The following ME3 variants were observed in gnomAD, a reference collection of about 807,000 sequenced individuals.
The protein encoded by ME3 is NADP-dependent malic enzyme, mitochondrial.
A neutral mutation model predicts 68.9 loss-of-function variants in ME3; 48 were observed. The observed-to-expected ratio is 0.70, with a 90% confidence interval of 0.55 to 0.89. ME3 has a LOEUF of 0.89. ME3 is among the 40% of genes least tolerant of loss of function. The probability of loss-of-function intolerance (pLI) is 0.00; values close to 1 mark genes in which losing one functional copy is unlikely to be tolerated. For synonymous variants in ME3, 320 were observed against 318.8 expected (o/e 1.00, Z -0.04); for missense variants, 675 against 797.4 (o/e 0.85, Z 1.85).
At chr11:86,500,874 A>G (rs1248551622) in intron 5 of ME3, among the ~76,000 whole-genome samples, 3 of 152,062 alleles carry the variant, frequency 2.0e-5, no homozygotes, top group Non-Finnish European at 4.4e-5. Flanking sequence ...CTGAATTGCC[A>G]TATCTACCAC....
intron 2 of ME3, among the ~76,000 whole-genome samples, chr11:86,599,495 G>A (rs1032132956): frequency 4.6e-5 from 7 of 152,298 alleles, no homozygotes; most frequent in African/African-American, 9.6e-5. Flanking sequence ...TGAAAGTGAC[G>A]GGGAGAATGG....
chr11:86,652,444 A>G (rs920181323), intron 2 of ME3, among the ~76,000 whole-genome samples: 6 of 152,318 alleles, frequency 3.9e-5, no homozygotes, highest in African/African-American at 1.4e-4. Context: ...AATATTCAAC[A>G]TTCTTAAAGA....
rs528637575 is a variant in ME3, at chr11:86,536,128, G to A, written c.467+20425C>T. On this transcript the variant is annotated intron_variant, in intron 4 of 14. Coordinates refer to ENST00000543262, the Ensembl canonical transcript of ME3. Reference sequence around the variant, plus strand: ...ATTGTCTATTTCCTTGTGTGGAAGGGGGCTGCCTTGTCTGTTGCACAGGGC... The same window carrying A: ...ATTGTCTATTTCCTTGTGTGGAAGGAGGCTGCCTTGTCTGTTGCACAGGGC... Among the ~76,000 whole-genome samples the A allele has an allele frequency of 3.3e-5, 5 of 152,252 alleles. No homozygotes were observed. The East Asian group carries it at 9.6e-4, about 29-fold the overall frequency.
At chr11:86,633,796 G>A (rs1938925) in intron 2 of ME3, among the ~76,000 whole-genome samples, 29,527 of 152,046 alleles carry the variant, frequency 0.19, 3,342 homozygotes, top group East Asian at 0.4. Context: ...TCTACCATGG[G>A]CCTCATGGGG....
At chr11:86,644,936 C>T (rs1054531178) in intron 2 of ME3, among the ~76,000 whole-genome samples, 1 of 152,156 alleles carries the variant, frequency 6.6e-6, no homozygotes, top group African/African-American at 2.4e-5. Flanking sequence ...TGGGGCATCG[C>T]CTCACCTGGG....
intron 2 of ME3, among the ~76,000 whole-genome samples, chr11:86,651,262 G>A (rs4943952): frequency 0.2 from 31,145 of 152,130 alleles, 4,083 homozygotes; most frequent in East Asian, 0.56. Context: ...CTCCCAGCAC[G>A]CAGCTTGAGA....
At position 86,528,886 on chromosome 11, in the gene ME3, T is replaced by C. The variant is rs183181583; in HGVS notation, c.468-20019A>G. Reference sequence around the variant, plus strand: ...GTAGAGGGAAATTTATAGCACTAAATGCCCACAAGAGAAAGCAGGAAAGAT... The same window carrying C: ...GTAGAGGGAAATTTATAGCACTAAACGCCCACAAGAGAAAGCAGGAAAGAT... On this transcript the variant is annotated intron_variant, in intron 4 of 14. Coordinates refer to ENST00000543262, the Ensembl canonical transcript of ME3. 1.8e-3 allele frequency among the ~76,000 whole-genome samples: 281 copies of C among 152,158 alleles called. 1 individual carries two copies. Among genetic ancestry groups the C allele is most frequent in the Middle Eastern group, 0.01 (3 of 294 alleles).
At chr11:86,441,377 C>A in exon 15 of ME3, 1 of 1,613,312 alleles carries the variant, frequency 6.2e-7, no homozygotes, top group South Asian at 1.1e-5. Flanking sequence ...CTTACAAAAG[C>A]CTCCTTGTCC....
intron 2 of ME3, among the ~76,000 whole-genome samples, chr11:86,662,435 AT>A (rs560067030): frequency 2.0e-3 from 293 of 150,082 alleles, no homozygotes; most frequent in Admixed American, 2.9e-3. Flanking sequence ...CAGAAAATTA[AT>A]TTTTTTTTTA....
intron 4 of ME3, among the ~76,000 whole-genome samples, chr11:86,541,750 G>A (rs964397826): frequency 4.6e-5 from 7 of 152,168 alleles, no homozygotes; most frequent in South Asian, 2.1e-4. Context: ...CCTGCCTGCC[G>A]GGTCTGAAGA....
intron 6 of ME3, among the ~76,000 whole-genome samples, chr11:86,490,852 C>T (rs1951962073): frequency 6.6e-6 from 1 of 152,114 alleles, no homozygotes; most frequent in Non-Finnish European, 1.5e-5. Flanking sequence ...GTGAATTTCT[C>T]AATCCTGCAT....
At chr11:86,505,372 G>C (rs1953003647) in intron 5 of ME3, among the ~76,000 whole-genome samples, 1 of 152,120 alleles carries the variant, frequency 6.6e-6, no homozygotes, top group Non-Finnish European at 1.5e-5. Flanking sequence ...CCAAACTACA[G>C]GCCCAATATT....
At chr11:86,607,706 A>T (rs200278559) in intron 2 of ME3, among the ~76,000 whole-genome samples, 9 of 28,852 alleles carry the variant, frequency 3.1e-4, no homozygotes, top group African/African-American at 1.9e-3. Flanking sequence ...TGTTTTTTTT[A>T]AAAGAAATAT....
intron 4 of ME3, among the ~76,000 whole-genome samples, chr11:86,532,266 T>A (rs368912528): frequency 6.6e-6 from 1 of 152,146 alleles, no homozygotes; most frequent in African/African-American, 2.4e-5. Flanking sequence ...TAGACTGCAA[T>A]ACAATAATAG....
At position 86,535,980 on chromosome 11, in the gene ME3, T is replaced by C. The variant is rs565833110; in HGVS notation, c.467+20573A>G. ...AAAATGATGAGCAAACAAATTTGTC[T>C]CCTGACCACTGGAAGTTTATAGCTT... On this transcript the variant is annotated intron_variant, in intron 4 of 14. Coordinates refer to ENST00000543262, the Ensembl canonical transcript of ME3. Among the ~76,000 whole-genome samples, 7 of 152,334 alleles carry C rather than the reference T, an allele frequency of 4.6e-5. No individual in the cohort carries two copies. In the East Asian group the frequency reaches 1.3e-3, roughly 29 times the overall value.
chr11:86,525,718 G>A (rs529939708), intron 4 of ME3, among the ~76,000 whole-genome samples: 8 of 152,020 alleles, frequency 5.3e-5, no homozygotes, highest in East Asian at 3.9e-4. Flanking sequence ...AAAATTAGCC[G>A]TGTGTGGTGG....
chr11:86,630,986 G>A (rs1308546479), intron 2 of ME3, among the ~76,000 whole-genome samples: 2 of 152,218 alleles, frequency 1.3e-5, no homozygotes, highest in Admixed American at 1.3e-4. Flanking sequence ...CGGCAGGGAT[G>A]GCAGGAAGGA....
chr11:86,599,095 G>A (rs1262188659), intron 2 of ME3, among the ~76,000 whole-genome samples: 3 of 152,230 alleles, frequency 2.0e-5, no homozygotes, highest in Non-Finnish European at 4.4e-5. Context: ...AACAAAGCTG[G>A]ACGGAGAATG....
At chr11:86,482,592 G>A (rs913428985) in intron 7 of ME3, among the ~76,000 whole-genome samples, 3 of 149,818 alleles carry the variant, frequency 2.0e-5, no homozygotes, top group South Asian at 4.4e-4. Context: ...AATCTAGTAT[G>A]GACCTATGAT....
Sources: allele counts gnomAD v4.1 joint callset (sites outside exome capture counted in the v4.1 genomes callset), GRCh38; gene constraint gnomAD v4.1.1; transcripts MANE v1.5; gene names NCBI Gene and HGNC (gene_info 2026-07-23, HGNC 2026-07-21).